Variants in FKBP9 observed in about 807,000 individuals in gnomAD.
The protein encoded by FKBP9 is peptidyl-prolyl cis-trans isomerase FKBP9.
FKBP9 carries 27 observed loss-of-function variants against 55.6 expected under a neutral mutation model. The observed-to-expected ratio is 0.49, with a 90% CI of 0.36 to 0.67. FKBP9 has a LOEUF of 0.67. Among genes scored for constraint, FKBP9 ranks in the 30% least tolerant of loss-of-function variants. The probability of loss-of-function intolerance (pLI) is 0.00; values close to 1 mark genes in which losing one functional copy is unlikely to be tolerated. For missense variants in FKBP9, 539 were observed against 742.8 expected, an observed-to-expected ratio of 0.73 and a Z score of 3.19; for synonymous variants, 267 against 296.5, an observed-to-expected ratio of 0.90 and a Z score of 1.02.
intron 1 of FKBP9, among the ~76,000 whole-genome samples, chr7:32,962,023 C>T (rs186802844): frequency 1.1e-4 from 16 of 152,134 alleles, no homozygotes; most frequent in African/African-American, 3.6e-4. Context: ...CATCCCCCCA[C>T]CCCGGTCATG....
chr7:32,960,949 A>G (rs551587424), intron 1 of FKBP9, among the ~76,000 whole-genome samples: 1 of 152,376 alleles, frequency 6.6e-6, no homozygotes, highest in East Asian at 1.9e-4. Context: ...TAGGTACCTC[A>G]TTACAAATGA....
chr7:32,996,834 C>T (rs1237676770), intron 7 of FKBP9, among the ~76,000 whole-genome samples: 1 of 122,400 alleles, frequency 8.2e-6, no homozygotes, highest in African/African-American at 3.4e-5. Flanking sequence ...GTCGCCCAGG[C>T]CGGACTGCGG....
chr7:32,984,846 T>C lies in FKBP9; in HGVS notation c.894-3661T>C, dbSNP rs554802709. Reference sequence around the variant, plus strand: ...AATGACTCTGTCATTTCCTCACTGCTCTAAAAGGTGATTTTTGTTATGAAC... The same window carrying C: ...AATGACTCTGTCATTTCCTCACTGCCCTAAAAGGTGATTTTTGTTATGAAC... On this transcript the variant is annotated intron_variant, in intron 5 of 9. Coordinates refer to ENST00000242209, the MANE Select transcript of FKBP9 (RefSeq NM_007270.5). Among the ~76,000 whole-genome samples, 3 of 152,354 alleles carry C rather than the reference T, an allele frequency of 2.0e-5. No homozygotes were observed. The East Asian group carries it at 5.8e-4, about 29-fold the overall frequency.
chr7:33,002,545 G>A (rs1220228516), intron 8 of FKBP9, 131 bp from the exon 9 acceptor site: 1 of 1,408,932 alleles, frequency 7.1e-7, no homozygotes, highest in Non-Finnish European at 9.6e-7. Context: ...ACTAGCCTCT[G>A]CTCCGCTTTC....
chr7:32,972,725 C>CAA (rs1784277629), intron 1 of FKBP9, among the ~76,000 whole-genome samples: 1 of 152,076 alleles, frequency 6.6e-6, no homozygotes, highest in African/African-American at 2.4e-5. Flanking sequence ...TGTTCCCCCC[C>CAA]CACCCTTTTT....
chr7:32,998,041 G>GA (rs1255631070), intron 7 of FKBP9, among the ~76,000 whole-genome samples: 1 of 152,162 alleles, frequency 6.6e-6, no homozygotes, highest in African/African-American at 2.4e-5. Flanking sequence ...GTTAAACTGT[G>GA]AAAAAATATG....
intron 5 of FKBP9, among the ~76,000 whole-genome samples, chr7:32,981,620 T>C (rs1784477262): frequency 6.6e-6 from 1 of 152,176 alleles, no homozygotes; most frequent in Non-Finnish European, 1.5e-5. Context: ...ATGGCATTAT[T>C]TCATTTGAAT....
intron 1 of FKBP9, among the ~76,000 whole-genome samples, chr7:32,968,843 A>G (rs574294042): frequency 6.6e-6 from 1 of 151,232 alleles, no homozygotes; most frequent in East Asian, 2.0e-4. Flanking sequence ...TTTTTAGTAG[A>G]GACGGGGTTT....
rs1309105782 is a variant in FKBP9 at position 32,980,551 on chromosome 7, C to T, written c.891C>T (p.Ser297=). ...TTCTGGATGGCACCCTCTTTGATTC[C>T]AGGTAAGGAAATGATTAAAGTCTTC... The part of the protein sequence containing the change: ...GTLLDGTLFD[S]SYSRNRTFDT... Residue 297 remains serine (S), a splice_region_variant and synonymous_variant, in exon 5 of 10, where the codon TCC becomes TCT. Coordinates refer to ENST00000242209, the MANE Select transcript of FKBP9 (RefSeq NM_007270.5). 6.2e-7 allele frequency: 1 copy of T among 1,612,512 alleles called. No individual in the cohort carries two copies. Among genetic ancestry groups the T allele is most frequent in the African/African-American group, 1.3e-5 (1 of 74,822 alleles).
At chr7:32,959,781 C>G (rs1312593022) in intron 1 of FKBP9, among the ~76,000 whole-genome samples, 1 of 152,144 alleles carries the variant, frequency 6.6e-6, no homozygotes, top group East Asian at 1.9e-4. Context: ...TAAGGTATAT[C>G]AGTACTTCAT....
intron 4 of FKBP9, among the ~76,000 whole-genome samples, chr7:32,976,765 T>C (rs1784370458): frequency 1.3e-5 from 2 of 152,178 alleles, no homozygotes; most frequent in South Asian, 4.1e-4. Context: ...ACCCAGATCA[T>C]TTCCATCACT....
intron 1 of FKBP9, among the ~76,000 whole-genome samples, chr7:32,959,749 C>A (rs1583835378): frequency 1.3e-5 from 2 of 152,128 alleles, no homozygotes; most frequent in African/African-American, 4.8e-5. Flanking sequence ...TAATTGGCTT[C>A]TTTCATGGTT....
Position 33,000,131 on chromosome 7 carries a change from A to G in FKBP9, c.1243A>G (p.Thr415Ala), listed in dbSNP as rs1784904726. Residue 415 changes from threonine (T) to alanine (A), a missense_variant, in exon 8 of 10, where the codon ACT becomes GCT. Physicochemically the swap from Thr to Ala is moderately conservative, Grantham distance 58 (BLOSUM62 0). Transcript: ENST00000242209. ...LLDSTWNLGKTYNIVLGSGQV... is the reference protein window; with the variant it reads ...LLDSTWNLGKAYNIVLGSGQV... Reference sequence around the variant, plus strand: ...TCATTTTAGGTGGAATTTAGGCAAAACTTACAATATTGTTCTGGGATCTGG... The same window carrying G: ...TCATTTTAGGTGGAATTTAGGCAAAGCTTACAATATTGTTCTGGGATCTGG... 1 of 1,614,032 alleles carries G rather than the reference A, an allele frequency of 6.2e-7. No homozygotes were observed. Among genetic ancestry groups the G allele is most frequent in the Admixed American group, 1.7e-5 (1 of 60,010 alleles).
intron 1 of FKBP9, 65 bp downstream of exon 1, chr7:32,957,859 T>G: frequency 3.3e-6 from 4 of 1,211,806 alleles, no homozygotes; most frequent in Non-Finnish European, 4.3e-6. Context: ...GGACAGGCCT[T>G]TCCCTCCTGC....
intron 6 of FKBP9, among the ~76,000 whole-genome samples, chr7:32,991,201 T>G (rs1364739397): frequency 2.0e-5 from 3 of 152,202 alleles, no homozygotes; most frequent in Non-Finnish European, 4.4e-5. Flanking sequence ...TTACTTTTTT[T>G]CCTCTTGGCT....
intron 1 of FKBP9, among the ~76,000 whole-genome samples, chr7:32,966,779 G>A (rs1784154240): frequency 6.6e-6 from 1 of 152,118 alleles, no homozygotes; most frequent in Non-Finnish European, 1.5e-5. Context: ...GGGAAAAGGG[G>A]AGCAGACATC....
intron 4 of FKBP9, among the ~76,000 whole-genome samples, chr7:32,978,793 C>A (rs1186185174): frequency 6.6e-6 from 1 of 152,142 alleles, no homozygotes; most frequent in Non-Finnish European, 1.5e-5. Flanking sequence ...AATATTATTT[C>A]TTTACTTTAA....
intron 1 of FKBP9, among the ~76,000 whole-genome samples, chr7:32,961,430 T>C (rs1784022225): frequency 6.6e-6 from 1 of 152,220 alleles, no homozygotes; most frequent in African/African-American, 2.4e-5. Context: ...CCTAGGAATT[T>C]GCTTTTCTGA....
At chr7:32,990,822 G>A (rs1784665379) in intron 6 of FKBP9, among the ~76,000 whole-genome samples, 1 of 152,088 alleles carries the variant, frequency 6.6e-6, no homozygotes, top group African/African-American at 2.4e-5. Flanking sequence ...CTGTTTTTTT[G>A]TTGATACATC....
Sources: gnomAD v4.1 joint callset for allele counts (sites outside exome capture counted in the v4.1 genomes callset) on GRCh38, gnomAD v4.1.1 for gene constraint, MANE v1.5 for transcripts, NCBI Gene and HGNC (gene_info 2026-07-23, HGNC 2026-07-21) for gene names.